The following AKNA variants were observed in gnomAD, a reference collection of about 807,000 sequenced individuals.
AKNA encodes the protein microtubule organization protein AKNA.
A neutral mutation model predicts 138.8 loss-of-function variants in AKNA; 67 were observed. The observed-to-expected ratio is 0.48, with a 90% CI of 0.40 to 0.59. The LOEUF (loss-of-function observed/expected upper bound fraction) is 0.59, where lower values mean the gene tolerates loss of function less well. Among genes scored for constraint, AKNA ranks in the 20% least tolerant of loss-of-function variants. The pLI, the probability that AKNA is intolerant of heterozygous loss-of-function variation, is 0.00. For synonymous variants in AKNA, 737 were observed against 754.4 expected (o/e 0.98, Z 0.38); for missense variants, 1,813 against 1,880.4 (o/e 0.96, Z 0.66).
chr9:114,397,080 C>G (rs1046956085), upstream of AKNA, among the ~76,000 whole-genome samples: 7 of 152,180 alleles, frequency 4.6e-5, no homozygotes, highest in African/African-American at 1.7e-4. Context: ...TTGCAACAAA[C>G]AGCCCCAATC....
downstream of AKNA, chr9:114,330,780 G>A: frequency 6.2e-7 from 1 of 1,613,404 alleles, no homozygotes; most frequent in Non-Finnish European, 8.5e-7. Context: ...TCCGCCTTCT[G>A]GTTGACTTTA....
At chr9:114,385,025 A>T (rs183058639) in intron 1 of AKNA, among the ~76,000 whole-genome samples, 3,955 of 151,456 alleles carry the variant, frequency 0.026, 83 homozygotes, top group Non-Finnish European at 0.041. Context: ...AATTTTAAAA[A>T]TTTTTTTTTG....
At position 114,381,655 on chromosome 9, in the gene AKNA, G is replaced by GTTTTTTT. The variant is rs1160552279; in HGVS notation, c.-113-216_-113-210dup. 5.7e-4 allele frequency among the ~76,000 whole-genome samples: 47 copies of GTTTTTTT among 82,912 alleles called. 1 individual carries two copies. Among genetic ancestry groups the GTTTTTTT allele is most frequent in the Non-Finnish European group, 8.0e-4 (38 of 47,680 alleles). 54.4% of individuals were successfully genotyped at this position (82,912 alleles called of 152,430 possible). ...ATAATAATTCCTCTCTCTCTCCAGGGTTTTTTTTTTTTTTTTTTTTTTTGA... is the reference window on the plus strand; with the variant it reads ...ATAATAATTCCTCTCTCTCTCCAGGGTTTTTTTTTTTTTTTTTTTTTTTTTTTTTTGA... On this transcript the variant is annotated intron_variant, in intron 1 of 21. Coordinates refer to ENST00000374088, the MANE Select transcript of AKNA (RefSeq NM_001317950.2).
intron 7 of AKNA, 72 bp downstream of exon 7, chr9:114,364,488 C>T: frequency 6.6e-7 from 1 of 1,515,156 alleles, no homozygotes; most frequent in Non-Finnish European, 9.2e-7. Context: ...GCAAAGAAGG[C>T]TTCAGAGACA....
At chr9:114,380,510 G>A (rs1194015528) in intron 2 of AKNA, among the ~76,000 whole-genome samples, 1 of 152,128 alleles carries the variant, frequency 6.6e-6, no homozygotes, top group African/African-American at 2.4e-5. Context: ...TGGTTATCAG[G>A]GGATGGAGTG....
rs760355273 is a variant in AKNA, at chr9:114,369,680, GCATCACCATCAGCAT to G, written c.1417-1100_1417-1086del. Among the ~76,000 whole-genome samples, 879 of 142,138 alleles carry G rather than the reference GCATCACCATCAGCAT, an allele frequency of 6.2e-3. 12 individuals are homozygous for G. The highest frequency in any genetic ancestry group is 0.025 in the African/African-American group (817 of 32,370). 93.2% of individuals were successfully genotyped at this position (142,138 alleles called of 152,430 possible). ...ACTACCATCATTAGCATCACCATCA[GCATCACCATCAGCAT>G]CATCACCATCAGCATCATCACCACC... is the stretch of plus-strand genomic sequence containing the variant. On this transcript the variant is annotated intron_variant, in intron 4 of 21. Transcript: ENST00000374088.
Position 114,356,826 on chromosome 9 carries a change from G to A in AKNA, c.2846+37C>T, listed in dbSNP as rs150493909. 7.0e-4 allele frequency: 1,046 copies of A among 1,499,550 alleles called. 1 individual carries two copies. The highest frequency in any genetic ancestry group is 1.3e-3 in the Middle Eastern group (7 of 5,214). 92.9% of individuals were successfully genotyped at this position (1,499,550 alleles called of 1,614,324 possible). On this transcript the variant is annotated intron_variant, in intron 13 of 21. Coordinates refer to ENST00000374088, the MANE Select transcript of AKNA (RefSeq NM_001317950.2). The stretch of plus-strand genomic sequence containing the variant: ...GTGATTCCCAGGCTGTCCCAGGAAT[G>A]TGGCACTGACGGGACAATGGCGGGA...
intron 14 of AKNA, among the ~76,000 whole-genome samples, chr9:114,353,060 T>A (rs575903081): frequency 6.6e-6 from 1 of 152,356 alleles, no homozygotes; most frequent in East Asian, 1.9e-4. Flanking sequence ...CTGAGTTTCT[T>A]GGTGTCTGTT....
chr9:114,382,361 C>T (rs116072680), intron 1 of AKNA, among the ~76,000 whole-genome samples: 9,305 of 152,068 alleles, frequency 0.061, 926 homozygotes, highest in African/African-American at 0.21. Context: ...GAGGCTGAGG[C>T]GAGTGGATCA....
chr9:114,366,632 T>C (rs1386603268), intron 6 of AKNA, among the ~76,000 whole-genome samples: 1 of 149,748 alleles, frequency 6.7e-6, no homozygotes, highest in Non-Finnish European at 1.5e-5. Context: ...CCGCATGGTA[T>C]GTGAATTATA....
In AKNA at chr9:114,336,397, G is replaced by A. The variant is rs1183416058; in HGVS notation, c.*657C>T. 3.3e-5 allele frequency: 5 copies of A among 152,410 alleles called. No individual in the cohort carries two copies. Among genetic ancestry groups the A allele is most frequent in the African/African-American group, 1.2e-4 (5 of 41,456 alleles). 9.4% of individuals were successfully genotyped at this position (152,410 alleles called of 1,614,324 possible). On this transcript the variant is annotated 3_prime_UTR_variant, in exon 22 of 22. Coordinates refer to ENST00000374088, the MANE Select transcript of AKNA (RefSeq NM_001317950.2). ...CCACTGGGATCCTAGGAGAAGCTGG[G>A]GACCATGCGTGAGGTACTGAAGGGG...
upstream of AKNA, among the ~76,000 whole-genome samples, chr9:114,390,143 A>G (rs1370544757): frequency 6.6e-6 from 1 of 152,034 alleles, no homozygotes; most frequent in African/African-American, 2.4e-5. Context: ...GATAACCCCA[A>G]ACCCATCTCA....
intron 1 of AKNA, among the ~76,000 whole-genome samples, chr9:114,382,452 G>A (rs151196054): frequency 6.6e-6 from 1 of 151,968 alleles, no homozygotes; most frequent in Non-Finnish European, 1.5e-5. Context: ...GTGTAATTGT[G>A]CACACCTGCA....
At chr9:114,367,448 G>A (rs568389097) in intron 6 of AKNA, 95 bp downstream of exon 6, 12 of 1,437,708 alleles carry the variant, frequency 8.3e-6, no homozygotes, top group Admixed American at 4.2e-5. Context: ...AATGACAAGT[G>A]AGACTCCCAG....
chr9:114,341,723 C>T lies in AKNA; in HGVS notation c.3877G>A (p.Ala1293Thr), dbSNP rs774233395. The T allele has an allele frequency of 1.3e-6, 2 of 1,564,546 alleles. No homozygotes were observed. Among genetic ancestry groups the T allele is most frequent in the Non-Finnish European group, 1.7e-6 (2 of 1,159,010 alleles). Residue 1293 changes from alanine (A) to threonine (T), a missense_variant and splice_region_variant, in exon 21 of 22, where the codon GCA (alanine) becomes ACA (threonine). Coordinates refer to ENST00000374088, the MANE Select transcript of AKNA (RefSeq NM_001317950.2). ...ADGPGSATSGAEKATTRRKAS... is the reference protein window; with the variant it reads ...ADGPGSATSGTEKATTRRKAS... ...TTTCTCCTCGTGGTGGCCTTCTCTG[C>T]CCCTATCAGGGAGGGAACAGCACAG...
intron 5 of AKNA, 26 bp from the exon 6 acceptor site, chr9:114,367,723 G>A (rs771296102): frequency 3.9e-6 from 6 of 1,530,248 alleles, no homozygotes; most frequent in Non-Finnish European, 4.4e-6. Flanking sequence ...GCTGAAAGCT[G>A]GGGCCAAGAA....
chr9:114,360,778 T>C (rs1831889679), intron 9 of AKNA, among the ~76,000 whole-genome samples: 1 of 152,124 alleles, frequency 6.6e-6, no homozygotes, highest in South Asian at 2.1e-4. Context: ...ACTACTGTCA[T>C]CTGTGTGAAC....
At chr9:114,341,388 G>A (rs1830331365) in intron 21 of AKNA, 145 bp downstream of exon 21, 1 of 1,011,374 alleles carries the variant, frequency 9.9e-7, no homozygotes, top group South Asian at 1.4e-5. Context: ...CTATATGAGT[G>A]TTGGGCTCCT....
intron 19 of AKNA, 59 bp from the exon 20 acceptor site, chr9:114,342,184 C>T: frequency 7.6e-7 from 1 of 1,307,796 alleles, no homozygotes; most frequent in South Asian, 1.5e-5. Flanking sequence ...AGATCAGGAG[C>T]CCCCATGCAG....
Sources: allele counts gnomAD v4.1 joint callset (sites outside exome capture counted in the v4.1 genomes callset), GRCh38; gene constraint gnomAD v4.1.1; transcripts MANE v1.5; gene names NCBI Gene and HGNC (gene_info 2026-07-23, HGNC 2026-07-21).